The following NXF3 variants were observed in gnomAD, a reference collection of about 807,000 sequenced individuals.
NXF3 encodes nuclear RNA export factor 3.
A neutral mutation model predicts 48.4 loss-of-function variants in NXF3; 34 were observed. The observed-to-expected ratio is 0.70, with a 90% CI of 0.53 to 0.93. NXF3 has a LOEUF of 0.93. NXF3 is among the 40% of genes least tolerant of loss of function. The pLI, the probability that NXF3 is intolerant of heterozygous loss-of-function variation, is 0.00. For missense variants in NXF3, 359 were observed against 406.1 expected, an observed-to-expected ratio of 0.88 and a Z score of 1.00; for synonymous variants, 132 against 145.7, an observed-to-expected ratio of 0.91 and a Z score of 0.68.
Position 103,080,221 on chromosome X carries a change from G to A in NXF3, c.928-5C>T. The A allele has an allele frequency of 8.3e-7, 1 of 1,210,554 alleles. No individual in the cohort carries two copies. Among genetic ancestry groups the A allele is most frequent in the Non-Finnish European group, 1.1e-6 (1 of 894,526 alleles). ...TCTGGGTGACTGCTGGCCATCCTGGGGAAGGCAAGAGGAAGTCAGTAGTGC... is the reference window on the plus strand; with the variant it reads ...TCTGGGTGACTGCTGGCCATCCTGGAGAAGGCAAGAGGAAGTCAGTAGTGC... On this transcript the variant is annotated splice_region_variant and splice_polypyrimidine_tract_variant and intron_variant, in intron 10 of 19. Transcript: ENST00000395065.
chrX:103,087,409 A>G, intron 1 of NXF3: 1 of 1,149,817 alleles, frequency 8.7e-7, no homozygotes, highest in Non-Finnish European at 1.2e-6. Flanking sequence ...TCATCTGGAG[A>G]GGCATCAGCT....
chrX:103,087,348 T>A, intron 1 of NXF3: 1 of 1,203,164 alleles, frequency 8.3e-7, no homozygotes, highest in Non-Finnish European at 1.1e-6. Context: ...TTCATACTGG[T>A]CAAAAGCCAT....
intron 3 of NXF3, 108 bp downstream of exon 3, chrX:103,084,234 A>G: frequency 1.1e-6 from 1 of 909,519 alleles, no homozygotes; most frequent in Non-Finnish European, 1.6e-6. Context: ...TAAAGGACAG[A>G]TTACATACTT....
chrX:103,086,107 C>T (rs1294021832), intron 1 of NXF3, among the ~76,000 whole-genome samples: 1 of 109,249 alleles, frequency 9.2e-6, no homozygotes, highest in Non-Finnish European at 1.9e-5. Context: ...CCACCGTGCC[C>T]GGCCTCTACA....
At chrX:103,076,042 T>C (rs1190808335) in intron 19 of NXF3, 42 bp from the exon 20 acceptor site, 1 of 390,693 alleles carries the variant, frequency 2.6e-6, no homozygotes, top group East Asian at 4.0e-5. Context: ...AGGCTGAAGA[T>C]TATGACACTT....
In NXF3 at chrX:103,075,923, T is replaced by C. The variant is rs1308268511; in HGVS notation, c.*127A>G. On this transcript the variant is annotated 3_prime_UTR_variant, in exon 20 of 20. Transcript: ENST00000395065. Reference sequence around the variant, plus strand: ...AGAACAACTGGCCCCTTTGGAAGGATGAGAGTCAGCCCTGTGAGTTGGGCT... The same window carrying C: ...AGAACAACTGGCCCCTTTGGAAGGACGAGAGTCAGCCCTGTGAGTTGGGCT... 4.3e-6 allele frequency: 1 copy of C among 231,073 alleles called. No individual in the cohort carries two copies. Among genetic ancestry groups the C allele is most frequent in the Admixed American group, 6.2e-5 (1 of 16,092 alleles). The allele number at this position is 231,073 out of a possible 1,213,427, so 19.0% of individuals were successfully genotyped here.
intron 1 of NXF3, among the ~76,000 whole-genome samples, chrX:103,085,900 C>CAAAAAAAAAAAAAAAA (rs56135590): frequency 1.4e-4 from 6 of 43,524 alleles, no homozygotes; most frequent in African/African-American, 2.8e-4. Flanking sequence ...GAGACTCTGT[C>CAAAAAAAAAAAAAAAA]AAAAAAAAAA....
intron 1 of NXF3, chrX:103,089,027 T>C: frequency 1.7e-6 from 2 of 1,151,898 alleles, no homozygotes; most frequent in South Asian, 1.8e-5. Flanking sequence ...AGCAAAGCCA[T>C]CCTTTTTGCA....
In NXF3 at chrX:103,083,648, C is replaced by T; in HGVS notation, c.396G>A (p.Leu132=). 8.3e-7 allele frequency: 1 copy of T among 1,209,813 alleles called. No homozygotes were observed. The highest frequency in any genetic ancestry group is 1.1e-6 in the Non-Finnish European group (1 of 893,879). ...IKYNEKWLLN[L]IQNECSVPFV... is the part of the protein sequence containing the mutation. ...AGGGTACACTGCATTCATTCTGAAT[C>T]AAATTCAGCAGCCACTTCTCATTGT... is the stretch of plus-strand genomic sequence containing the variant. The change falls in exon 4 of 20, where the codon TTG becomes TTA. Residue 132 remains leucine (L), a synonymous_variant. Coordinates refer to ENST00000395065, the MANE Select transcript of NXF3 (RefSeq NM_022052.2).
At chrX:103,078,261 G>A (rs1285786053) in intron 17 of NXF3, among the ~76,000 whole-genome samples, 1 of 111,605 alleles carries the variant, frequency 9.0e-6, no homozygotes, top group African/African-American at 3.3e-5. Flanking sequence ...TGAATGGCAG[G>A]ATGATAGATG....
Position 103,083,029 on chromosome X carries a change from A to G in NXF3, c.666T>C (p.Asp222=). ...CTGGGTAAAATGGGAGTCTCTGGATATCAAGAGCTTCCTGGGAGACATCAC... is the reference window on the plus strand; with the variant it reads ...CTGGGTAAAATGGGAGTCTCTGGATGTCAAGAGCTTCCTGGGAGACATCAC... ...QQCDVSQEAL[D]IQRLPFYPDM... The change falls in exon 7 of 20, where the codon GAT becomes GAC. Residue 222 remains aspartate (D), a synonymous_variant. Coordinates refer to ENST00000395065, the MANE Select transcript of NXF3 (RefSeq NM_022052.2). 2.6e-5 allele frequency: 32 copies of G among 1,211,011 alleles called. No individual in the cohort carries two copies. The highest frequency in any genetic ancestry group is 3.6e-5 in the Non-Finnish European group (32 of 894,938).
intron 1 of NXF3, 62 bp from the exon 2 acceptor site, chrX:103,084,945 A>T: frequency 9.9e-7 from 1 of 1,014,332 alleles, no homozygotes; most frequent in East Asian, 3.0e-5. Flanking sequence ...GGAAAATATA[A>T]TGGATAATGA....
chrX:103,079,052 C>G (rs184923162), intron 16 of NXF3, among the ~76,000 whole-genome samples, 169 bp downstream of exon 16: 215 of 111,764 alleles, frequency 1.9e-3, no homozygotes, highest in African/African-American at 6.5e-3. Context: ...AGGCATGGGC[C>G]TAGGTCAGAT....
In NXF3 at chrX:103,076,258, C is replaced by T. The variant is rs760542187; in HGVS notation, c.*32G>A. 23 of 1,206,363 alleles carry T rather than the reference C, an allele frequency of 1.9e-5. No homozygotes were observed. The Admixed American group carries it at 5.0e-4, about 26-fold the overall frequency. Reference sequence around the variant, plus strand: ...GACCTCACCTTGGGCCATGCAAGAACATGAGGAGCTCTGACGTAGTCACAC... The same window carrying T: ...GACCTCACCTTGGGCCATGCAAGAATATGAGGAGCTCTGACGTAGTCACAC... On this transcript the variant is annotated 3_prime_UTR_variant, in exon 19 of 20. Transcript: ENST00000395065.
intron 3 of NXF3, 98 bp downstream of exon 3, chrX:103,084,244 T>C: frequency 4.1e-6 from 4 of 976,745 alleles, no homozygotes; most frequent in Non-Finnish European, 5.7e-6. Context: ...ATTACATACT[T>C]TCCTGCCCTT....
intron 1 of NXF3, among the ~76,000 whole-genome samples, chrX:103,091,751 C>G (rs1402020608): frequency 3.6e-5 from 4 of 110,149 alleles, no homozygotes; most frequent in Non-Finnish European, 7.6e-5. Context: ...TTTGGGAGGC[C>G]GAGACAGGTG....
At chrX:103,076,054 A>G (rs890936753) in intron 19 of NXF3, 54 bp from the exon 20 acceptor site, 2 of 402,430 alleles carry the variant, frequency 5.0e-6, no homozygotes, top group Admixed American at 4.2e-5. Context: ...ATGACACTTA[A>G]GGATTTCCTC....
chrX:103,083,124 G>C, intron 6 of NXF3, 51 bp from the exon 7 acceptor site: 1 of 1,190,219 alleles, frequency 8.4e-7, no homozygotes, highest in African/African-American at 1.7e-5. Context: ...GGTGGTGAAG[G>C]GGGCAATAGG....
chrX:103,079,642 C>G lies in NXF3; in HGVS notation c.1161G>C (p.Pro387=). ...CCTTGAAGAACTTGCAGAAGCTGCT[C>G]CTAGAAGAAAAAGAGGAGCAGGAGT... ...SIPFNPEDSA[P]SSFCKFFKDS... The change falls in exon 14 of 20, where the codon CCG becomes CCC. Residue 387 remains proline (P), a splice_region_variant and synonymous_variant. Transcript: ENST00000395065. 1 of 1,210,272 alleles carries G rather than the reference C, an allele frequency of 8.3e-7. No homozygotes were observed. Among genetic ancestry groups the G allele is most frequent in the South Asian group, 1.8e-5 (1 of 56,881 alleles).
Sources: gnomAD v4.1 joint callset for allele counts (sites outside exome capture counted in the v4.1 genomes callset) on GRCh38, gnomAD v4.1.1 for gene constraint, MANE v1.5 for transcripts, NCBI Gene and HGNC (gene_info 2026-07-23, HGNC 2026-07-21) for gene names.